The following RBM34 variants were observed in gnomAD, a reference collection of about 807,000 sequenced individuals.
The protein encoded by RBM34 is RNA binding motif protein 34, also known as RNA-binding protein 34.
In RBM34, 39 loss-of-function variants were observed where a neutral mutation model predicts 44.6. That is an observed-to-expected ratio of 0.87 (90% CI 0.68 to 1.14). The LOEUF (loss-of-function observed/expected upper bound fraction) is 1.14. RBM34 is among the 50% of genes most tolerant of loss of function. The pLI is 0.00. For missense variants in RBM34, 572 were observed against 517.9 expected, an observed-to-expected ratio of 1.10 and a Z score of -1.01; for synonymous variants, 194 against 184.0, an observed-to-expected ratio of 1.05 and a Z score of -0.44.
intron 5 of RBM34, among the ~76,000 whole-genome samples, chr1:235,149,386 C>T (rs1436620177): frequency 3.7e-5 from 4 of 109,242 alleles, no homozygotes; most frequent in African/African-American, 1.5e-4. Flanking sequence ...GAGACTCCGT[C>T]TCAAAAAAAA....
Position 235,131,905 on chromosome 1 carries a change from T to C in RBM34, c.1101A>G (p.Lys367=), listed in dbSNP as rs567232874. The change falls in exon 11 of 11, where the codon AAA becomes AAG. Residue 367 remains lysine, a synonymous_variant. Coordinates refer to ENST00000408888, the MANE Select transcript of RBM34 (RefSeq NM_015014.4). Reference sequence around the variant, plus strand: ...GTGGATTTGAATTTTGTTGTTTAAATTTTTCTTTATTAACAGAACGCATGA... The same window carrying C: ...GTGGATTTGAATTTTGTTGTTTAAACTTTTCTTTATTAACAGAACGCATGA... ...LRVMRSVNKE[K]FKQQNSNPRL... The C allele has an allele frequency of 1.9e-5, 31 of 1,614,044 alleles. No homozygotes were observed. In the South Asian group the frequency reaches 3.1e-4, roughly 16 times the overall value.
intron 6 of RBM34, among the ~76,000 whole-genome samples, chr1:235,139,972 C>T (rs1182599064): frequency 6.6e-6 from 1 of 152,238 alleles, no homozygotes; most frequent in Non-Finnish European, 1.5e-5. Flanking sequence ...GAGTGTGCGC[C>T]CATCCTCAGG....
chr1:235,158,787 A>G (rs1662561900), intron 3 of RBM34, among the ~76,000 whole-genome samples: 1 of 152,074 alleles, frequency 6.6e-6, no homozygotes, highest in Non-Finnish European at 1.5e-5. Context: ...ACGTGATGGG[A>G]TCACTATTTG....
chr1:235,137,521 T>G (rs1330488982), intron 8 of RBM34, among the ~76,000 whole-genome samples: 2 of 151,390 alleles, frequency 1.3e-5, no homozygotes. Context: ...ACTGTCGGCA[T>G]GCATCACACA....
chr1:235,143,836 T>C (rs1661789514), intron 6 of RBM34, among the ~76,000 whole-genome samples: 1 of 152,078 alleles, frequency 6.6e-6, no homozygotes, highest in Admixed American at 6.6e-5. Context: ...TACAAGGGAA[T>C]ACTACTGAGC....
chr1:235,154,046 A>G (rs1662287275), intron 4 of RBM34, among the ~76,000 whole-genome samples: 1 of 152,118 alleles, frequency 6.6e-6, no homozygotes. Flanking sequence ...GGAAATCGAG[A>G]CCATCCTGGC....
chr1:235,140,255 C>T (rs143663690), intron 6 of RBM34, among the ~76,000 whole-genome samples: 4,427 of 152,316 alleles, frequency 0.029, 218 homozygotes, highest in African/African-American at 0.1. Context: ...AGGCCGGAGC[C>T]GGCTCCCTCA....
intron 3 of RBM34, chr1:235,160,079 C>T (rs992563529): frequency 1.3e-5 from 4 of 302,548 alleles, no homozygotes; most frequent in African/African-American, 2.2e-5. Flanking sequence ...CATGGTGAAA[C>T]CCTGTCTCCA....
In RBM34 at chr1:235,161,071, G is replaced by C; in HGVS notation, c.54-4C>G. The C allele has an allele frequency of 6.2e-7, 1 of 1,611,360 alleles. No individual in the cohort carries two copies. Among genetic ancestry groups the C allele is most frequent in the Non-Finnish European group, 8.5e-7 (1 of 1,177,714 alleles). ...AACGCCGTCGTCAGGATTCTCTCTAGAAATGGACGACAGAAACTCAGCCAC... is the reference window on the plus strand; with the variant it reads ...AACGCCGTCGTCAGGATTCTCTCTACAAATGGACGACAGAAACTCAGCCAC... On this transcript the variant is annotated splice_polypyrimidine_tract_variant and splice_region_variant and intron_variant, in intron 1 of 10. Transcript: ENST00000408888.
chr1:235,143,067 A>G (rs745666040), intron 6 of RBM34, among the ~76,000 whole-genome samples: 1 of 152,224 alleles, frequency 6.6e-6, no homozygotes, highest in African/African-American at 2.4e-5. Flanking sequence ...AAATAATTTA[A>G]AAGTCACTAA....
At position 235,135,723 on chromosome 1, in the gene RBM34, T is replaced by G. The variant is rs1661402189; in HGVS notation, c.937A>C (p.Ile313Leu). The G allele has an allele frequency of 9.9e-6, 16 of 1,614,240 alleles. No homozygotes were observed. The highest frequency in any genetic ancestry group is 1.4e-5 in the Non-Finnish European group (16 of 1,180,048). The part of the protein sequence containing the change: ...IEKHFLDCGS[I>L]MAVRIVRDKM... The stretch of plus-strand genomic sequence containing the variant: ...TCTCTCACAATCCTCACGGCCATGA[T>G]ACTTCCACAGTCCAGAAAGTGCTTC... The change falls in exon 10 of 11, where the codon ATC (isoleucine) becomes CTC (leucine). Residue 313 changes from isoleucine to leucine, a missense_variant. Transcript: ENST00000408888.
In RBM34 at chr1:235,131,910, C is replaced by G; in HGVS notation, c.1096G>C (p.Glu366Gln). Reference sequence around the variant, plus strand: ...TTTGAATTTTGTTGTTTAAATTTTTCTTTATTAACAGAACGCATGACTCTG... The same window carrying G: ...TTTGAATTTTGTTGTTTAAATTTTTGTTTATTAACAGAACGCATGACTCTG... Reference protein sequence around the residue: ...KLRVMRSVNKEKFKQQNSNPR... With the variant: ...KLRVMRSVNKQKFKQQNSNPR... The change falls in exon 11 of 11, where the codon GAA (glutamate) becomes CAA (glutamine). Residue 366 changes from glutamate to glutamine, a missense_variant. By Grantham distance (29) the Glu-to-Gln change is conservative (BLOSUM62 2). Transcript: ENST00000408888. 1 of 1,613,806 alleles carries G rather than the reference C, an allele frequency of 6.2e-7. No individual in the cohort carries two copies. The highest frequency in any genetic ancestry group is 8.5e-7 in the Non-Finnish European group (1 of 1,179,826).
At position 235,143,855 on chromosome 1, in the gene RBM34, C is replaced by T. The variant is rs192259550; in HGVS notation, c.701+4549G>A. ...AGGGAATACTACTGAGCAATAAAAA[C>T]GAATTAATTACCAATGCATTGCAAT... On this transcript the variant is annotated intron_variant, in intron 6 of 10. Transcript: ENST00000408888. Among the ~76,000 whole-genome samples the T allele has an allele frequency of 4.9e-4, 74 of 152,114 alleles. 1 individual carries two copies. Among genetic ancestry groups the T allele is most frequent in the African/African-American group, 1.7e-3 (70 of 41,506 alleles).
intron 6 of RBM34, among the ~76,000 whole-genome samples, chr1:235,142,221 C>T (rs1048875988): frequency 2.6e-5 from 4 of 152,200 alleles, no homozygotes; most frequent in African/African-American, 9.6e-5. Flanking sequence ...TAAGACAAGA[C>T]AGCAGAGACC....
At chr1:235,145,281 C>T (rs1572154251) in intron 6 of RBM34, among the ~76,000 whole-genome samples, 1 of 142,186 alleles carries the variant, frequency 7.0e-6, no homozygotes, top group African/African-American at 2.6e-5. Context: ...CAAAAACATA[C>T]TTTTTTTTTT....
At chr1:235,149,936 A>C (rs1169448414) in intron 5 of RBM34, among the ~76,000 whole-genome samples, 1 of 152,198 alleles carries the variant, frequency 6.6e-6, no homozygotes, top group Non-Finnish European at 1.5e-5. Flanking sequence ...TAACATAGTC[A>C]AACTCTCAAA....
chr1:235,143,384 T>A (rs1358328570), intron 6 of RBM34, among the ~76,000 whole-genome samples: 1 of 152,224 alleles, frequency 6.6e-6, no homozygotes, highest in Non-Finnish European at 1.5e-5. Context: ...GTACCCAAAT[T>A]TTTTTTAGCA....
rs372405056 is a variant in RBM34, at chr1:235,149,262, G to T, written c.658-815C>A. Among the ~76,000 whole-genome samples the T allele has an allele frequency of 1.5e-4, 23 of 151,724 alleles. No homozygotes were observed. In the South Asian group the frequency reaches 4.8e-3, roughly 32 times the overall value. ...AAATTAGCCAGACGTGGTGGCGGGC[G>T]CCTGTAGTCCCAGCTACTCAGGAGG... On this transcript the variant is annotated intron_variant, in intron 5 of 10. Transcript: ENST00000408888.
At chr1:235,161,140 C>A in intron 1 of RBM34, 34 bp downstream of exon 1, 1 of 1,601,940 alleles carries the variant, frequency 6.2e-7, no homozygotes, top group Admixed American at 1.7e-5. Flanking sequence ...CGTACAACAT[C>A]CCTCCCCAGG....
Sources: gnomAD v4.1 joint callset for allele counts (sites outside exome capture counted in the v4.1 genomes callset) on GRCh38, gnomAD v4.1.1 for gene constraint, MANE v1.5 for transcripts, NCBI Gene and HGNC (gene_info 2026-07-23, HGNC 2026-07-21) for gene names.